B3GALT1: variants seen among roughly 807,000 people sequenced by gnomAD.
B3GALT1 encodes beta-1,3-galactosyltransferase 1.
B3GALT1 carries 10 observed loss-of-function variants against 23.2 expected under a neutral mutation model. The ratio of observed to expected loss-of-function variants is 0.43; its 90% CI spans 0.27 to 0.73. The LOEUF (loss-of-function observed/expected upper bound fraction) is 0.73, where lower values mean the gene tolerates loss of function less well. Among genes scored for constraint, B3GALT1 ranks in the 30% least tolerant of loss-of-function variants. The probability of loss-of-function intolerance (pLI) is 0.21; values close to 1 mark genes in which losing one functional copy is unlikely to be tolerated. For synonymous variants in B3GALT1, 156 were observed against 141.5 expected (o/e 1.10, Z -0.73); for missense variants, 299 against 405.4 (o/e 0.74, Z 2.25).
intron 3 of B3GALT1, among the ~76,000 whole-genome samples, chr2:167,727,563 T>C (rs1247628151): frequency 6.6e-6 from 1 of 152,134 alleles, no homozygotes; most frequent in Non-Finnish European, 1.5e-5. Context: ...CTCAACCCAT[T>C]ACTGCATCAA....
At chr2:167,761,043 ACT>A (rs1218398699) in intron 3 of B3GALT1, among the ~76,000 whole-genome samples, 32 of 152,160 alleles carry the variant, frequency 2.1e-4, no homozygotes, top group Non-Finnish European at 2.1e-4. Context: ...CTGAGAAAAG[ACT>A]CTATGGTGGG....
intron 3 of B3GALT1, among the ~76,000 whole-genome samples, chr2:167,760,433 C>T (rs1344413016): frequency 6.6e-5 from 10 of 152,022 alleles, no homozygotes; most frequent in Non-Finnish European, 1.0e-4. Flanking sequence ...ATGAAGACGC[C>T]GGATGTCACA....
At chr2:167,314,065 A>T (rs1696673686) in intron 1 of B3GALT1, among the ~76,000 whole-genome samples, 1 of 152,110 alleles carries the variant, frequency 6.6e-6, no homozygotes. Flanking sequence ...CACACAAAAG[A>T]CTTTGTCACC....
chr2:167,525,697 G>A (rs1277931409), intron 2 of B3GALT1, among the ~76,000 whole-genome samples: 3 of 151,236 alleles, frequency 2.0e-5, no homozygotes, highest in South Asian at 2.1e-4. Context: ...TCAGTGACAC[G>A]TCACAGCTCA....
At chr2:167,324,210 A>G (rs1696855244) in intron 1 of B3GALT1, among the ~76,000 whole-genome samples, 1 of 152,084 alleles carries the variant, frequency 6.6e-6, no homozygotes, top group Admixed American at 6.5e-5. Flanking sequence ...TGAAATTCCT[A>G]TAGGGTATGG....
intron 1 of B3GALT1, among the ~76,000 whole-genome samples, chr2:167,323,880 C>A (rs932340336): frequency 6.6e-6 from 1 of 151,860 alleles, no homozygotes; most frequent in African/African-American, 2.4e-5. Context: ...CTTGTCCACT[C>A]CCTATGACAT....
intron 1 of B3GALT1, among the ~76,000 whole-genome samples, chr2:167,340,791 A>G (rs1574039818): frequency 6.6e-6 from 1 of 152,224 alleles, no homozygotes; most frequent in African/African-American, 2.4e-5. Context: ...CAATGTCTTC[A>G]TTCAACAAAA....
At chr2:167,323,877 A>G (rs922243807) in intron 1 of B3GALT1, among the ~76,000 whole-genome samples, 3 of 151,596 alleles carry the variant, frequency 2.0e-5, no homozygotes, top group African/African-American at 7.3e-5. Context: ...GTACTTGTCC[A>G]CTCCCTATGA....
chr2:167,735,091 A>G (rs1039209941), intron 3 of B3GALT1, among the ~76,000 whole-genome samples: 1 of 152,184 alleles, frequency 6.6e-6, no homozygotes, highest in African/African-American at 2.4e-5. Context: ...GGGGAAAAGG[A>G]ATACAATCGT....
intron 3 of B3GALT1, among the ~76,000 whole-genome samples, chr2:167,759,353 G>C (rs1336297476): frequency 6.6e-6 from 1 of 152,174 alleles, no homozygotes; most frequent in East Asian, 1.9e-4. Context: ...AGAAAGGAAA[G>C]ATACCAAGGA....
intron 2 of B3GALT1, among the ~76,000 whole-genome samples, chr2:167,641,972 C>T (rs768286052): frequency 6.6e-5 from 10 of 152,190 alleles, no homozygotes; most frequent in Non-Finnish European, 1.5e-4. Context: ...GTTTCCCTCA[C>T]ACATCTGTTC....
rs796201322 is a variant in B3GALT1 at position 167,512,556 on chromosome 2, G to GTA, written c.-410+22289_-410+22290dup. Among the ~76,000 whole-genome samples the GTA allele has an allele frequency of 3.6e-4, 22 of 60,534 alleles. 1 individual carries two copies. Among genetic ancestry groups the GTA allele is most frequent in the East Asian group, 2.5e-3 (1 of 402 alleles). 39.7% of individuals were successfully genotyped at this position (60,534 alleles called of 152,430 possible). On this transcript the variant is annotated intron_variant, in intron 2 of 4. Coordinates refer to ENST00000392690, the MANE Select transcript of B3GALT1 (RefSeq NM_020981.4). ...TGTGTATATATATATGTATATATAT[G>GTA]TATATATATATGTATATATATATGT... is the stretch of plus-strand genomic sequence containing the variant.
intron 1 of B3GALT1, among the ~76,000 whole-genome samples, chr2:167,373,299 A>C (rs1396930349): frequency 6.6e-6 from 1 of 152,132 alleles, no homozygotes; most frequent in African/African-American, 2.4e-5. Flanking sequence ...TATATTTACA[A>C]CTTTTTGGAT....
At chr2:167,650,151 T>G (rs1685835738) in intron 3 of B3GALT1, among the ~76,000 whole-genome samples, 1 of 151,602 alleles carries the variant, frequency 6.6e-6, no homozygotes, top group Non-Finnish European at 1.5e-5. Flanking sequence ...TCAAATACTT[T>G]CTCTGCAGCA....
At chr2:167,349,864 A>G (rs1017438426) in intron 1 of B3GALT1, among the ~76,000 whole-genome samples, 2 of 152,140 alleles carry the variant, frequency 1.3e-5, no homozygotes, top group African/African-American at 4.8e-5. Context: ...GGAATTTTTA[A>G]TGGCGCATAC....
At chr2:167,313,466 A>G (rs992560509) in intron 1 of B3GALT1, among the ~76,000 whole-genome samples, 2 of 152,186 alleles carry the variant, frequency 1.3e-5, no homozygotes, top group Non-Finnish European at 2.9e-5. Flanking sequence ...AGAAAAACTA[A>G]GGATATTTTC....
At position 167,380,375 on chromosome 2, in the gene B3GALT1, C is replaced by T. The variant is rs145850375; in HGVS notation, c.-511+87041C>T. Among the ~76,000 whole-genome samples the T allele has an allele frequency of 4.0e-3, 614 of 152,246 alleles. 1 individual carries two copies. The highest frequency in any genetic ancestry group is 4.7e-3 in the Non-Finnish European group (323 of 68,002). On this transcript the variant is annotated intron_variant, in intron 1 of 4. Coordinates refer to ENST00000392690, the MANE Select transcript of B3GALT1 (RefSeq NM_020981.4). ...TGCCAAGCTGGCCCTCACTAAAAGT[C>T]TCATTGCCCAGGAGAAACTGCAGCT...
intron 2 of B3GALT1, among the ~76,000 whole-genome samples, chr2:167,549,711 C>CATAA (rs1683711833): frequency 6.6e-6 from 1 of 152,150 alleles, no homozygotes; most frequent in Non-Finnish European, 1.5e-5. Flanking sequence ...TTAATATAGT[C>CATAA]ATAAATCTGA....
At chr2:167,574,845 G>A (rs1462667951) in intron 2 of B3GALT1, among the ~76,000 whole-genome samples, 1 of 151,666 alleles carries the variant, frequency 6.6e-6, no homozygotes, top group Non-Finnish European at 1.5e-5. Context: ...GCTTGAGATA[G>A]CATTAATCAT....
Sources: allele counts gnomAD v4.1 joint callset (sites outside exome capture counted in the v4.1 genomes callset), GRCh38; gene constraint gnomAD v4.1.1; transcripts MANE v1.5; gene names NCBI Gene and HGNC (gene_info 2026-07-23, HGNC 2026-07-21).